The following RORA variants were observed in gnomAD, a reference collection of about 807,000 sequenced individuals.
RORA encodes the protein nuclear receptor ROR-alpha.
A neutral mutation model predicts 69.5 loss-of-function variants in RORA; 7 were observed. The observed-to-expected ratio is 0.10, with a 90% CI of 0.06 to 0.19. RORA has a LOEUF of 0.19. Among genes scored for constraint, RORA ranks in the 10% least tolerant of loss-of-function variants. The pLI, the probability that RORA is intolerant of heterozygous loss-of-function variation, is 1.00. For synonymous variants in RORA, 261 were observed against 240.8 expected (o/e 1.08, Z -0.78); for missense variants, 457 against 663.0 (o/e 0.69, Z 3.41).
intron 1 of RORA, among the ~76,000 whole-genome samples, chr15:60,959,850 G>A (rs961264171): frequency 3.9e-5 from 6 of 152,036 alleles, no homozygotes; most frequent in African/African-American, 1.4e-4. Flanking sequence ...AAAGGTTTAT[G>A]GTAGAGACAT....
intron 1 of RORA, among the ~76,000 whole-genome samples, chr15:61,205,706 A>G (rs10851692): frequency 0.96 from 145,827 of 152,292 alleles, 70,134 homozygotes; most frequent in East Asian, 1. Flanking sequence ...CTCTAGGGGC[A>G]GCTGTGGTCA....
chr15:60,564,662 G>T (rs1567091130), intron 2 of RORA, among the ~76,000 whole-genome samples: 1 of 152,148 alleles, frequency 6.6e-6, no homozygotes, highest in African/African-American at 2.4e-5. Context: ...ACTACAGCTT[G>T]CTAGAGCAAG....
Position 61,189,326 on chromosome 15 carries a change from T to C in RORA, c.166+39727A>G, listed in dbSNP as rs143530095. ...GAACGACAAAGGAGAAAGACATAAA[T>C]AACATCCAGTGCCTGTATCCACGCA... On this transcript the variant is annotated intron_variant, in intron 1 of 10. Coordinates refer to ENST00000335670, the MANE Select transcript of RORA (RefSeq NM_134261.3). Among the ~76,000 whole-genome samples, 47 of 152,304 alleles carry C rather than the reference T, an allele frequency of 3.1e-4. No homozygotes were observed. The East Asian group carries it at 8.7e-3, about 28-fold the overall frequency.
intron 1 of RORA, among the ~76,000 whole-genome samples, chr15:60,744,488 C>T (rs376324152): frequency 6.4e-4 from 97 of 152,266 alleles, no homozygotes; most frequent in African/African-American, 2.0e-3. Flanking sequence ...ACCTGAAGAC[C>T]TGCATTTGAG....
intron 2 of RORA, among the ~76,000 whole-genome samples, chr15:60,584,915 A>G (rs902432954): frequency 6.6e-6 from 1 of 152,226 alleles, no homozygotes; most frequent in Non-Finnish European, 1.5e-5. Flanking sequence ...CCTTATTTCT[A>G]TGATAGAAAG....
At chr15:61,048,271 T>C (rs1040089532) in intron 1 of RORA, among the ~76,000 whole-genome samples, 1 of 152,248 alleles carries the variant, frequency 6.6e-6, no homozygotes, top group African/African-American at 2.4e-5. Context: ...TTTGATAACT[T>C]GTTCCTAGGT....
At position 61,136,093 on chromosome 15, in the gene RORA, T is replaced by G. The variant is rs553856019; in HGVS notation, c.166+92960A>C. Among the ~76,000 whole-genome samples the G allele has an allele frequency of 4.6e-5, 7 of 152,312 alleles. No homozygotes were observed. In the South Asian group the frequency reaches 1.5e-3, roughly 32 times the overall value. On this transcript the variant is annotated intron_variant, in intron 1 of 10. Transcript: ENST00000335670. ...TATCGACCCTGGTTTAAATTTAGTG[T>G]GCCGCTTCCAGATTTATTTTCCACT...
At chr15:60,941,359 G>C (rs1388181833) in intron 1 of RORA, among the ~76,000 whole-genome samples, 1 of 152,224 alleles carries the variant, frequency 6.6e-6, no homozygotes, top group Non-Finnish European at 1.5e-5. Context: ...GCCAGTCTTT[G>C]CTCAACTCCA....
At chr15:60,779,038 A>G (rs781722779) in intron 1 of RORA, among the ~76,000 whole-genome samples, 1 of 152,130 alleles carries the variant, frequency 6.6e-6, no homozygotes, top group Non-Finnish European at 1.5e-5. Context: ...CCTCCTCCCA[A>G]CACTGTGTGA....
At chr15:61,086,319 A>G (rs946422053) in intron 1 of RORA, among the ~76,000 whole-genome samples, 1 of 152,248 alleles carries the variant, frequency 6.6e-6, no homozygotes, top group African/African-American at 2.4e-5. Context: ...TTCTGGTTCT[A>G]AGCTCCTGCT....
intron 1 of RORA, among the ~76,000 whole-genome samples, chr15:61,091,681 T>A (rs972404930): frequency 1.3e-5 from 2 of 152,214 alleles, no homozygotes; most frequent in Non-Finnish European, 2.9e-5. Context: ...CACAAGCAAC[T>A]TCACATAACA....
chr15:60,958,642 A>T (rs2140340704), intron 1 of RORA, among the ~76,000 whole-genome samples: 1 of 152,342 alleles, frequency 6.6e-6, no homozygotes, highest in East Asian at 1.9e-4. Flanking sequence ...ATTGAGACTT[A>T]GCAACCATTG....
intron 1 of RORA, among the ~76,000 whole-genome samples, chr15:61,082,587 C>T (rs1417125310): frequency 6.6e-6 from 1 of 152,170 alleles, no homozygotes; most frequent in Non-Finnish European, 1.5e-5. Flanking sequence ...AACGTGGGTT[C>T]TGCAGCACCA....
chr15:60,768,341 G>A (rs2072020882), intron 1 of RORA, among the ~76,000 whole-genome samples: 1 of 152,190 alleles, frequency 6.6e-6, no homozygotes, highest in African/African-American at 2.4e-5. Flanking sequence ...GGATCGTGAT[G>A]GGGCTGTAAA....
At chr15:60,653,688 GAC>G (rs1467217228) in intron 2 of RORA, among the ~76,000 whole-genome samples, 1 of 152,142 alleles carries the variant, frequency 6.6e-6, no homozygotes, top group East Asian at 1.9e-4. Flanking sequence ...CATGGTAATG[GAC>G]TTTTCATGGC....
At chr15:61,038,338 T>G (rs531226176) in intron 1 of RORA, among the ~76,000 whole-genome samples, 2 of 152,192 alleles carry the variant, frequency 1.3e-5, no homozygotes, top group Non-Finnish European at 2.9e-5. Flanking sequence ...AATAATTTCT[T>G]TGGACCAGCA....
intron 1 of RORA, among the ~76,000 whole-genome samples, chr15:60,813,948 C>T (rs766608507): frequency 1.1e-4 from 17 of 152,022 alleles, no homozygotes; most frequent in Non-Finnish European, 1.9e-4. Context: ...TGCTTAGTTC[C>T]ATGTTATGGG....
chr15:60,518,929 C>T (rs2066060320), intron 3 of RORA, among the ~76,000 whole-genome samples: 1 of 152,152 alleles, frequency 6.6e-6, no homozygotes, highest in Non-Finnish European at 1.5e-5. Flanking sequence ...GCGTCAACTG[C>T]AGTAAAAGAA....
intron 1 of RORA, among the ~76,000 whole-genome samples, chr15:60,992,308 G>A (rs2140370788): frequency 6.6e-6 from 1 of 152,302 alleles, no homozygotes; most frequent in South Asian, 2.1e-4. Flanking sequence ...TAAGCACGGA[G>A]CTATGATGAA....
Sources: gnomAD v4.1 joint callset for allele counts (sites outside exome capture counted in the v4.1 genomes callset) on GRCh38, gnomAD v4.1.1 for gene constraint, MANE v1.5 for transcripts, NCBI Gene and HGNC (gene_info 2026-07-23, HGNC 2026-07-21) for gene names.